PCDHGB6: variants seen among roughly 807,000 people sequenced by gnomAD.
PCDHGB6 encodes the protein protocadherin gamma subfamily B, 6, also known as protocadherin gamma-B6.
Under a neutral mutation model 59.1 loss-of-function variants are expected in PCDHGB6, and 51 were observed. That is an observed-to-expected ratio of 0.86 (90% CI 0.69 to 1.09). The LOEUF is 1.09. Among genes scored for constraint, PCDHGB6 ranks in the 50% least tolerant of loss-of-function variants. PCDHGB6 has a pLI of 0.00. For missense variants in PCDHGB6, 1,148 were observed against 1,205.1 expected (o/e 0.95, Z 0.70); for synonymous variants, 466 against 495.1 (o/e 0.94, Z 0.78).
intron 3 of PCDHGB6, among the ~76,000 whole-genome samples, chr5:141,506,190 C>T (rs1313145580): frequency 6.6e-6 from 1 of 152,180 alleles, no homozygotes; most frequent in Non-Finnish European, 1.5e-5. Flanking sequence ...GTGGCTCACG[C>T]CTGTAATCCC....
intron 1 of PCDHGB6, chr5:141,413,119 G>C: frequency 6.6e-7 from 1 of 1,522,222 alleles, no homozygotes; most frequent in Non-Finnish European, 8.8e-7. Flanking sequence ...AAAGGAACCG[G>C]TTGAAACACA....
chr5:141,471,254 T>A (rs1043647138), intron 1 of PCDHGB6: 1 of 151,828 alleles, frequency 6.6e-6, no homozygotes, highest in African/African-American at 2.4e-5. Flanking sequence ...TTTCACCATG[T>A]TGGCAAGGCT....
intron 1 of PCDHGB6, among the ~76,000 whole-genome samples, chr5:141,455,161 T>G (rs6861291): frequency 0.084 from 8,821 of 104,682 alleles, 480 homozygotes; most frequent in African/African-American, 0.22. Context: ...AGTTTGTTGG[T>G]TTTTTTTTTA....
Position 141,409,860 on chromosome 5 carries a change from G to A in PCDHGB6, c.1658G>A (p.Gly553Glu), listed in dbSNP as rs764823576. The change falls in exon 1 of 4, where the codon GGA becomes GAA. Residue 553 changes from glycine (G) to glutamate (E), a missense_variant. Physicochemically the swap from Gly to Glu is moderately conservative, Grantham distance 98. This residue lies in a region of PCDHGB6 where 549 missense variants were observed against 527.5 expected (regional missense o/e 1.04). Transcript: ENST00000520790. ...SANVSLRVLV[G>E]DRNDNAPRVL... ...AACGTGAGCCTGCGCGTGTTGGTGG[G>A]AGACCGCAATGACAACGCACCGCGG... is the stretch of plus-strand genomic sequence containing the variant. The A allele has an allele frequency of 1.2e-5, 20 of 1,612,364 alleles. No homozygotes were observed. In the South Asian group the frequency reaches 1.8e-4, roughly 14 times the overall value.
chr5:141,436,859 A>G (rs550974791), intron 1 of PCDHGB6, among the ~76,000 whole-genome samples: 7 of 152,250 alleles, frequency 4.6e-5, no homozygotes, highest in Non-Finnish European at 1.0e-4. Flanking sequence ...TTGAGAAGCC[A>G]CAGTTTTAGG....
chr5:141,422,922 C>T (rs1244444241), intron 1 of PCDHGB6: 1 of 1,614,130 alleles, frequency 6.2e-7, no homozygotes, highest in Non-Finnish European at 8.5e-7. Flanking sequence ...AGATCCTGTA[C>T]CCTGCCCTCC....
chr5:141,421,102 T>G, intron 1 of PCDHGB6: 1 of 691,404 alleles, frequency 1.4e-6, no homozygotes, highest in Non-Finnish European at 2.4e-6. Flanking sequence ...CACTGGAGAC[T>G]TAGAAGTATT....
Position 141,409,135 on chromosome 5 carries a change from T to C in PCDHGB6, c.933T>C (p.Asp311=), listed in dbSNP as rs748247175. 3.1e-6 allele frequency: 5 copies of C among 1,614,026 alleles called. No homozygotes were observed. In the South Asian group the frequency reaches 3.3e-5, roughly 11 times the overall value. Residue 311 remains aspartate, a synonymous_variant, in exon 1 of 4, where the codon GAT becomes GAC. Coordinates refer to ENST00000520790, the MANE Select transcript of PCDHGB6 (RefSeq NM_018926.3). ...IKNNQSFDFE[D]VERYTMEVEA... ...ATAACCAGTCATTTGATTTTGAAGA[T>C]GTAGAAAGGTACACCATGGAAGTGG...
intron 1 of PCDHGB6, chr5:141,423,820 C>T: frequency 7.9e-7 from 1 of 1,272,642 alleles, no homozygotes. Context: ...TTTTACTTTG[C>T]CTTTCATGAG....
At chr5:141,418,563 C>T in intron 1 of PCDHGB6, 2 of 1,613,998 alleles carry the variant, frequency 1.2e-6, no homozygotes, top group Non-Finnish European at 1.7e-6. Context: ...GTAATAGATG[C>T]CAATGACAAC....
At position 141,410,151 on chromosome 5, in the gene PCDHGB6, G is replaced by A; in HGVS notation, c.1949G>A (p.Gly650Glu). 1 of 1,613,018 alleles carries A rather than the reference G, an allele frequency of 6.2e-7. No individual in the cohort carries two copies. Among genetic ancestry groups the A allele is most frequent in the Non-Finnish European group, 8.5e-7 (1 of 1,179,700 alleles). Residue 650 changes from glycine to glutamate, a missense_variant, in exon 1 of 4, where the codon GGA (glycine) becomes GAA (glutamate). Physicochemically the swap from Gly to Glu is moderately conservative, Grantham distance 98. Transcript: ENST00000520790. ...CTGCTGGTCGCTGTGCGTGACGGTG[G>A]ACAGCCGCCACTCTCTGCCACCGCC... is the stretch of plus-strand genomic sequence containing the variant. ...QRLLVAVRDG[G>E]QPPLSATATL...
Position 141,486,786 on chromosome 5 carries a change from G to A in PCDHGB6, c.2419-8021G>A, listed in dbSNP as rs1360545946. The A allele has an allele frequency of 1.9e-6, 3 of 1,614,090 alleles. No individual in the cohort carries two copies. The highest frequency in any genetic ancestry group is 2.2e-5 in the East Asian group (1 of 44,892). ...ACACTGCAGTTTGAGGTGCAGGCCC[G>A]GGATCGGGGCAACCCACCCCTTAGC... is the stretch of plus-strand genomic sequence containing the variant. On this transcript the variant is annotated intron_variant, in intron 1 of 3. Coordinates refer to ENST00000520790, the MANE Select transcript of PCDHGB6 (RefSeq NM_018926.3). This position sits in a 1 kb window ranked among gnomAD's most constrained non-coding sequence, Gnocchi z 5.0.
intron 1 of PCDHGB6, chr5:141,422,041 G>A (rs371079504): frequency 2.1e-5 from 34 of 1,611,632 alleles, no homozygotes; most frequent in Non-Finnish European, 2.9e-5. Flanking sequence ...GGATCCAGAC[G>A]AGGGAATCAA....
intron 1 of PCDHGB6, chr5:141,421,906 G>C: frequency 6.2e-7 from 1 of 1,613,770 alleles, no homozygotes; most frequent in Non-Finnish European, 8.5e-7. Context: ...AAAGGGCGCA[G>C]TTCCCATTCG....
chr5:141,440,077 C>T (rs983267885), intron 1 of PCDHGB6: 1 of 152,424 alleles, frequency 6.6e-6, no homozygotes, highest in Non-Finnish European at 1.5e-5. Flanking sequence ...AGGAATAATA[C>T]TTCATTCTAA....
rs202183643 is a variant in PCDHGB6 at position 141,490,646 on chromosome 5, C to T, written c.2419-4161C>T. 9 of 1,614,186 alleles carry T rather than the reference C, an allele frequency of 5.6e-6. No homozygotes were observed. Among genetic ancestry groups the T allele is most frequent in the African/African-American group, 2.7e-5 (2 of 75,054 alleles). ...GCTTACATCCTAGAAAACCGGCCTC[C>T]GGGCTCCCTTCTTTGCACTGTGGCT... On this transcript the variant is annotated intron_variant, in intron 1 of 3. Transcript: ENST00000520790. The surrounding 1 kb of genome is among the most constrained non-coding windows in gnomAD (Gnocchi z 5.4).
chr5:141,448,806 G>A (rs1412164815), intron 1 of PCDHGB6, among the ~76,000 whole-genome samples: 1 of 152,008 alleles, frequency 6.6e-6, no homozygotes, highest in Admixed American at 6.5e-5. Context: ...TTAGCCAGGC[G>A]TGATGGCGGG....
In PCDHGB6 at chr5:141,490,889, T is replaced by G. The variant is rs568838001; in HGVS notation, c.2419-3918T>G. The G allele has an allele frequency of 6.2e-7, 1 of 1,613,406 alleles. No homozygotes were observed. Among genetic ancestry groups the G allele is most frequent in the Non-Finnish European group, 8.5e-7 (1 of 1,179,428 alleles). ...CCCCCATTGCATGCCAACACATCTCTGCATGTGTTTGTCCTAGACGAGAAT... is the reference window on the plus strand; with the variant it reads ...CCCCCATTGCATGCCAACACATCTCGGCATGTGTTTGTCCTAGACGAGAAT... On this transcript the variant is annotated intron_variant, in intron 1 of 3. Coordinates refer to ENST00000520790, the MANE Select transcript of PCDHGB6 (RefSeq NM_018926.3). This position sits in a 1 kb window ranked among gnomAD's most constrained non-coding sequence, Gnocchi z 5.4.
intron 1 of PCDHGB6, chr5:141,428,256 T>A: frequency 1.2e-6 from 1 of 863,822 alleles, no homozygotes; most frequent in Non-Finnish European, 1.9e-6. Flanking sequence ...CAGACTTCAG[T>A]GACAGTCCTG....
Sources: allele counts gnomAD v4.1 joint callset (sites outside exome capture counted in the v4.1 genomes callset), GRCh38; gene constraint gnomAD v4.1.1; regional missense constraint gnomAD v4.1.1; non-coding constraint Gnocchi (gnomAD v3.1); transcripts MANE v1.5; gene names NCBI Gene and HGNC (gene_info 2026-07-23, HGNC 2026-07-21).